The following ANK3 variants were observed in gnomAD, a reference collection of about 807,000 sequenced individuals.
The protein encoded by ANK3 is ankyrin 3.
In ANK3, 57 loss-of-function variants were observed where a neutral mutation model predicts 370.9. The ratio of observed to expected loss-of-function variants is 0.15; its 90% confidence interval spans 0.12 to 0.19. The LOEUF (loss-of-function observed/expected upper bound fraction) is 0.19, where lower values mean the gene tolerates loss of function less well. Ranked by LOEUF, ANK3 falls within the 10% of genes least tolerant of loss-of-function variation. The pLI, the probability that ANK3 is intolerant of heterozygous loss-of-function variation, is 1.00. For synonymous variants in ANK3, 1,929 were observed against 1,946.3 expected, an observed-to-expected ratio of 0.99 and a Z score of 0.23; for missense variants, 4,439 against 5,302.1, an observed-to-expected ratio of 0.84 and a Z score of 5.06.
intron 8 of ANK3, among the ~76,000 whole-genome samples, chr10:60,220,255 G>C (rs2097023359): frequency 6.6e-6 from 1 of 151,992 alleles, no homozygotes; most frequent in Non-Finnish European, 1.5e-5. Flanking sequence ...CAGATTCTAA[G>C]TAAAAAATGA....
At chr10:60,431,407 T>C (rs955710600) in intron 2 of ANK3, among the ~76,000 whole-genome samples, 7 of 152,310 alleles carry the variant, frequency 4.6e-5, no homozygotes, top group Non-Finnish European at 1.0e-4. Flanking sequence ...ATGTTAGCCA[T>C]GGAGAGCGGC....
chr10:60,194,335 C>T (rs2096547750), intron 16 of ANK3, among the ~76,000 whole-genome samples: 1 of 152,182 alleles, frequency 6.6e-6, no homozygotes. Context: ...TGTTCTCCAA[C>T]CATCACTATT....
chr10:60,243,403 A>G (rs940119353), intron 7 of ANK3, among the ~76,000 whole-genome samples: 1 of 152,182 alleles, frequency 6.6e-6, no homozygotes, highest in African/African-American at 2.4e-5. Flanking sequence ...TGGCTTTATA[A>G]GAAGAGGAGA....
At chr10:60,200,983 G>A (rs555668197) in intron 12 of ANK3, among the ~76,000 whole-genome samples, 2 of 152,256 alleles carry the variant, frequency 1.3e-5, no homozygotes, top group Admixed American at 1.3e-4. Flanking sequence ...AATGAAAATG[G>A]TATTAGAAAC....
At chr10:60,033,116 C>G (rs1422849861) in intron 43 of ANK3, among the ~76,000 whole-genome samples, 2 of 152,172 alleles carry the variant, frequency 1.3e-5, no homozygotes, top group Non-Finnish European at 2.9e-5. Context: ...TTTTGTATGC[C>G]TTTCAAACCT....
intron 2 of ANK3, among the ~76,000 whole-genome samples, chr10:60,474,416 T>G (rs933931739): frequency 6.6e-6 from 1 of 152,094 alleles, no homozygotes; most frequent in African/African-American, 2.4e-5. Flanking sequence ...AAGAGAAGGC[T>G]GCCAAGAAGA....
At chr10:60,415,925 C>CCCT (rs1555369998) in intron 2 of ANK3, among the ~76,000 whole-genome samples, 2 of 122,668 alleles carry the variant, frequency 1.6e-5, no homozygotes, top group Non-Finnish European at 3.6e-5. Flanking sequence ...TGCCCCCCAC[C>CCCT]CCCCCGCCAT....
intron 2 of ANK3, among the ~76,000 whole-genome samples, chr10:60,581,467 C>T (rs1181263392): frequency 2.1e-5 from 3 of 144,600 alleles, no homozygotes; most frequent in Non-Finnish European, 4.5e-5. Flanking sequence ...CTTTGTCGCC[C>T]AGGCTGGAGT....
intron 1 of ANK3, among the ~76,000 whole-genome samples, chr10:60,321,826 C>A (rs2048735469): frequency 6.6e-6 from 1 of 152,188 alleles, no homozygotes. Flanking sequence ...CATTTATTGA[C>A]CCTGACAGTA....
intron 2 of ANK3, among the ~76,000 whole-genome samples, chr10:60,610,364 T>A (rs756444918): frequency 6.6e-6 from 1 of 151,940 alleles, no homozygotes; most frequent in Non-Finnish European, 1.5e-5. Context: ...ATACCAAAAA[T>A]TAGCTGGGTG....
chr10:60,198,649 G>A (rs1412871332), intron 13 of ANK3, 112 bp from the exon 14 acceptor site: 15 of 913,522 alleles, frequency 1.6e-5, no homozygotes, highest in East Asian at 2.4e-5. Flanking sequence ...TCAACTTTTT[G>A]AGTCAATGCT....
At chr10:60,616,917 G>C (rs967068326) in intron 1 of ANK3, among the ~76,000 whole-genome samples, 14 of 151,854 alleles carry the variant, frequency 9.2e-5, no homozygotes, top group African/African-American at 3.4e-4. Flanking sequence ...CTTTTTATTC[G>C]AGTTATTTTT....
At chr10:60,284,579 ATTCG>A (rs1346336320) in intron 1 of ANK3, among the ~76,000 whole-genome samples, 7 of 152,096 alleles carry the variant, frequency 4.6e-5, no homozygotes, top group Non-Finnish European at 8.8e-5. Context: ...TCATTCATTC[ATTCG>A]TTCATTTTCC....
At chr10:60,488,664 C>T (rs1316312750) in intron 2 of ANK3, among the ~76,000 whole-genome samples, 1 of 152,162 alleles carries the variant, frequency 6.6e-6, no homozygotes, top group Non-Finnish European at 1.5e-5. Flanking sequence ...AATCATAAAT[C>T]ATATGATATA....
At chr10:60,347,299 C>T (rs530531887) in intron 1 of ANK3, among the ~76,000 whole-genome samples, 51 of 152,046 alleles carry the variant, frequency 3.4e-4, no homozygotes, top group Middle Eastern at 3.4e-3. Context: ...GGAACATCAG[C>T]TTGATTAACT....
intron 29 of ANK3, 42 bp downstream of exon 29, chr10:60,088,105 T>G (rs751575605): frequency 6.6e-7 from 1 of 1,521,366 alleles, no homozygotes; most frequent in South Asian, 1.1e-5. Context: ...ACTCACATGC[T>G]CTCTGCGCAT....
chr10:60,276,800 G>T (rs541008165), intron 4 of ANK3, among the ~76,000 whole-genome samples: 293 of 152,218 alleles, frequency 1.9e-3, no homozygotes, highest in African/African-American at 6.7e-3. Context: ...AATAATAAAA[G>T]AAATGAAAAT....
At chr10:60,602,713 A>T (rs1322550316) in intron 2 of ANK3, among the ~76,000 whole-genome samples, 4 of 152,008 alleles carry the variant, frequency 2.6e-5, no homozygotes, top group African/African-American at 9.7e-5. Context: ...CTTCCATTAT[A>T]AATACGGGCA....
intron 1 of ANK3, among the ~76,000 whole-genome samples, chr10:60,371,268 C>G (rs1221280933): frequency 4.6e-5 from 7 of 152,066 alleles, no homozygotes; most frequent in Non-Finnish European, 7.4e-5. Context: ...AAAAAACGCT[C>G]CACATCACTA....
Sources: gnomAD v4.1 joint callset for allele counts (sites outside exome capture counted in the v4.1 genomes callset) on GRCh38, gnomAD v4.1.1 for gene constraint, MANE v1.5 for transcripts, NCBI Gene and HGNC (gene_info 2026-07-23, HGNC 2026-07-21) for gene names.